PTPRA: variants seen among roughly 807,000 people sequenced by gnomAD.
PTPRA encodes protein tyrosine phosphatase receptor type A.
PTPRA carries 25 observed loss-of-function variants against 104.8 expected under a neutral mutation model. The observed-to-expected ratio is 0.24, with a 90% CI of 0.17 to 0.33. The LOEUF (loss-of-function observed/expected upper bound fraction) is 0.33. PTPRA is among the 10% of genes least tolerant of loss of function. PTPRA has a pLI of 1.00. For missense variants in PTPRA, 765 were observed against 1,015.3 expected (o/e 0.75, Z 3.35); for synonymous variants, 323 against 368.9 (o/e 0.88, Z 1.43).
In PTPRA at chr20:3,027,330, C is replaced by T. The variant is rs2065196313; in HGVS notation, c.1785+133C>T. 3 of 908,554 alleles carry T rather than the reference C, an allele frequency of 3.3e-6. No individual in the cohort carries two copies. In the South Asian group the frequency reaches 4.6e-5, roughly 14 times the overall value. 56.3% of individuals were successfully genotyped at this position (908,554 alleles called of 1,614,324 possible). ...TCAACAAATAGTGAATTGATACTCA[C>T]CCACCCACTCACCCTGTGCATTAGG... On this transcript the variant is annotated intron_variant, in intron 19 of 23. Transcript: ENST00000399903.
intron 10 of PTPRA, among the ~76,000 whole-genome samples, chr20:3,005,525 T>C (rs1004736610): frequency 6.6e-6 from 1 of 152,118 alleles, no homozygotes; most frequent in African/African-American, 2.4e-5. Flanking sequence ...CATTCTAGCC[T>C]GGGTGACAGG....
chr20:2,990,095 T>A (rs1192188920), intron 9 of PTPRA, among the ~76,000 whole-genome samples: 1 of 152,132 alleles, frequency 6.6e-6, no homozygotes, highest in Non-Finnish European at 1.5e-5. Flanking sequence ...GGAATACAGT[T>A]AGGGGTTACA....
intron 9 of PTPRA, among the ~76,000 whole-genome samples, chr20:2,998,593 A>G (rs1266370873): frequency 7.2e-5 from 11 of 152,174 alleles, no homozygotes; most frequent in Non-Finnish European, 1.2e-4. Context: ...TGCAAAAGAA[A>G]TTGTGTGTCT....
rs956282377 is a variant in PTPRA, at chr20:2,948,036, A to T, written c.-7+12A>T. Reference sequence around the variant, plus strand: ...TTTAAAAGAAGCTAGTAAGTACTGAAATAGTTTTTTAAGTTTTTTCTACAA... The same window carrying T: ...TTTAAAAGAAGCTAGTAAGTACTGATATAGTTTTTTAAGTTTTTTCTACAA... On this transcript the variant is annotated intron_variant, in intron 3 of 23. Transcript: ENST00000399903. The T allele has an allele frequency of 9.3e-7, 1 of 1,070,588 alleles. No individual in the cohort carries two copies. Among genetic ancestry groups the T allele is most frequent in the Non-Finnish European group, 1.3e-6 (1 of 798,128 alleles). 66.3% of individuals were successfully genotyped at this position (1,070,588 alleles called of 1,614,324 possible). A position where few individuals can be genotyped will look rare whatever the true frequency, so the allele number is the denominator to read the frequency against.
intron 9 of PTPRA, among the ~76,000 whole-genome samples, chr20:2,995,091 C>T (rs1262773709): frequency 6.6e-6 from 1 of 152,210 alleles, no homozygotes; most frequent in Non-Finnish European, 1.5e-5. Flanking sequence ...GATTGCACCA[C>T]TGCTCTCCAG....
At position 2,911,261 on chromosome 20, in the gene PTPRA, A is replaced by G. The variant is rs560353406; in HGVS notation, c.-128-11946A>G. Among the ~76,000 whole-genome samples the G allele has an allele frequency of 5.9e-5, 9 of 152,294 alleles. No homozygotes were observed. The East Asian group carries it at 1.7e-3, about 29-fold the overall frequency. On this transcript the variant is annotated intron_variant, in intron 1 of 23. Transcript: ENST00000399903. ...GATGTTTGGCATAGGTGTTAACTTCATGGGCCTGTTGTATACAAACCAATT... is the reference window on the plus strand; with the variant it reads ...GATGTTTGGCATAGGTGTTAACTTCGTGGGCCTGTTGTATACAAACCAATT...
chr20:3,021,244 G>A, intron 13 of PTPRA, 65 bp from the exon 14 acceptor site: 1 of 1,605,062 alleles, frequency 6.2e-7, no homozygotes, highest in Non-Finnish European at 8.5e-7. Flanking sequence ...CTTCCTTCCA[G>A]GCCCTTTGCA....
chr20:3,038,051 C>T lies in PTPRA; in HGVS notation c.2335-8C>T. 1 of 1,605,828 alleles carries T rather than the reference C, an allele frequency of 6.2e-7. No homozygotes were observed. The highest frequency in any genetic ancestry group is 1.1e-5 in the South Asian group (1 of 90,518). ...ACCCTGACTTTTTCCCTACCTTTCACTCTCCAGGAACAGTATGAGTTCTGC... is the reference window on the plus strand; with the variant it reads ...ACCCTGACTTTTTCCCTACCTTTCATTCTCCAGGAACAGTATGAGTTCTGC... On this transcript the variant is annotated splice_region_variant and splice_polypyrimidine_tract_variant and intron_variant, in intron 23 of 23. Transcript: ENST00000399903.
At chr20:2,986,194 A>C (rs183720414) in intron 6 of PTPRA, among the ~76,000 whole-genome samples, 1 of 152,318 alleles carries the variant, frequency 6.6e-6, no homozygotes, top group East Asian at 1.9e-4. Flanking sequence ...GGCATGAGCC[A>C]TTGTGCCCTA....
intron 9 of PTPRA, among the ~76,000 whole-genome samples, chr20:2,989,896 A>G (rs1375387951): frequency 6.6e-6 from 1 of 152,150 alleles, no homozygotes; most frequent in Non-Finnish European, 1.5e-5. Context: ...GGGCACCTAT[A>G]GTTGCAGCTA....
At chr20:2,957,241 C>T (rs927050183) in intron 3 of PTPRA, among the ~76,000 whole-genome samples, 6 of 152,200 alleles carry the variant, frequency 3.9e-5, no homozygotes, top group African/African-American at 7.2e-5. Flanking sequence ...GCCGAGATCG[C>T]GCCACAACAT....
At chr20:2,897,322 G>A (rs185629593) in intron 1 of PTPRA, among the ~76,000 whole-genome samples, 1 of 151,626 alleles carries the variant, frequency 6.6e-6, no homozygotes, top group Non-Finnish European at 1.5e-5. Flanking sequence ...TTATTATAGT[G>A]GTTGCTAGAT....
chr20:2,867,577 CTCCAGTGCACCCCCTCTGCTCTCCCTAT>C, the PTPRA span, among the ~76,000 whole-genome samples: 1 of 150,606 alleles, frequency 6.6e-6, no homozygotes, highest in African/African-American at 2.5e-5. Flanking sequence ...TCCGTTGGCA[CTCCAGTGCACCCCCTCTGCTCTCCCTAT>C]CTAGCCTTCC....
intron 1 of PTPRA, among the ~76,000 whole-genome samples, chr20:2,901,304 T>C (rs2059228252): frequency 6.6e-6 from 1 of 152,134 alleles, no homozygotes. Context: ...CAGTCTGCAC[T>C]GCTCTCAGCT....
intron 11 of PTPRA, among the ~76,000 whole-genome samples, chr20:3,015,597 C>T (rs554709483): frequency 1.3e-5 from 2 of 152,252 alleles, no homozygotes; most frequent in East Asian, 3.9e-4. Context: ...TGAGCTACCA[C>T]GCCTGGCCTG....
At chr20:2,987,822 C>T (rs961295097) in intron 7 of PTPRA, 26 of 681,612 alleles carry the variant, frequency 3.8e-5, no homozygotes, top group African/African-American at 1.0e-4. Flanking sequence ...GGTTGGATTC[C>T]AGTGTGCCAA....
intron 1 of PTPRA, among the ~76,000 whole-genome samples, chr20:2,896,994 G>GT (rs1285594221): frequency 1.3e-5 from 2 of 152,156 alleles, no homozygotes; most frequent in Non-Finnish European, 2.9e-5. Context: ...TTAGTCTGAT[G>GT]TTTCCTTTTG....
chr20:2,981,111 G>A (rs980014511), intron 6 of PTPRA, among the ~76,000 whole-genome samples: 2 of 151,990 alleles, frequency 1.3e-5, no homozygotes, highest in African/African-American at 4.8e-5. Context: ...CATATGCAGT[G>A]TAGACCTGCT....
rs1051781542 is a variant in PTPRA, at chr20:3,005,142, G to A, written c.825G>A (p.Leu275=). ...AAAAAAATCGATATGTAAACATCTTGCCTTGTGAGTGTCTTTAGTGTTTCT... is the reference window on the plus strand; with the variant it reads ...AAAAAAATCGATATGTAAACATCTTACCTTGTGAGTGTCTTTAGTGTTTCT... The part of the protein sequence containing the change: ...NKEKNRYVNI[L]PYDHSRVHLT... The change falls in exon 10 of 24, where the codon TTG becomes TTA. Residue 275 remains leucine (L), a synonymous_variant. Transcript: ENST00000399903. 30 of 1,588,722 alleles carry A rather than the reference G, an allele frequency of 1.9e-5. No individual in the cohort carries two copies. Among genetic ancestry groups the A allele is most frequent in the Non-Finnish European group, 2.4e-5 (28 of 1,156,950 alleles).
Sources: allele counts gnomAD v4.1 joint callset (sites outside exome capture counted in the v4.1 genomes callset), GRCh38; gene constraint gnomAD v4.1.1; transcripts MANE v1.5; gene names NCBI Gene and HGNC (gene_info 2026-07-23, HGNC 2026-07-21).